Variants in GPHN observed in about 807,000 individuals in gnomAD.
The protein encoded by GPHN is gephyrin.
In GPHN, 17 loss-of-function variants were observed where a neutral mutation model predicts 95.5. The observed-to-expected ratio is 0.18, with a 90% CI of 0.12 to 0.27. The LOEUF (loss-of-function observed/expected upper bound fraction) is 0.27, where lower values mean the gene tolerates loss of function less well. GPHN is among the 10% of genes least tolerant of loss of function. The pLI is 1.00. For synonymous variants in GPHN, 320 were observed against 322.5 expected (o/e 0.99, Z 0.08); for missense variants, 660 against 978.1 (o/e 0.67, Z 4.34).
At chr14:67,316,185 T>C in the GPHN span, among the ~76,000 whole-genome samples, 9 of 152,172 alleles carry the variant, frequency 5.9e-5, no homozygotes, top group Admixed American at 5.2e-4. Context: ...ACATATTTGA[T>C]TTAAAGTAGA....
At chr14:66,810,360 A>T (rs1263242711) in intron 3 of GPHN, among the ~76,000 whole-genome samples, 2 of 124,364 alleles carry the variant, frequency 1.6e-5, no homozygotes, top group Admixed American at 7.9e-5. Context: ...CTGTTTCCAG[A>T]TTTTTTTTGT....
chr14:67,413,854 C>G, the GPHN span, among the ~76,000 whole-genome samples: 4 of 152,190 alleles, frequency 2.6e-5, no homozygotes, highest in East Asian at 7.7e-4. Flanking sequence ...TAGGTTTTAT[C>G]TAAAGTACAA....
intron 9 of GPHN, among the ~76,000 whole-genome samples, chr14:66,992,838 G>C (rs1367249709): frequency 6.6e-6 from 1 of 152,154 alleles, no homozygotes; most frequent in African/African-American, 2.4e-5. Context: ...TCAAATTTCA[G>C]TGTTTAAAAA....
intron 11 of GPHN, among the ~76,000 whole-genome samples, chr14:67,088,780 A>G (rs2077011556): frequency 6.6e-6 from 1 of 152,208 alleles, no homozygotes; most frequent in South Asian, 2.1e-4. Context: ...AAACATTGCC[A>G]TGAATTGACT....
the GPHN span, among the ~76,000 whole-genome samples, chr14:67,640,678 A>C: frequency 6.6e-6 from 1 of 152,330 alleles, no homozygotes; most frequent in South Asian, 2.1e-4. Flanking sequence ...GGACCCTAAG[A>C]ATATAATCTA....
the GPHN span, among the ~76,000 whole-genome samples, chr14:67,307,430 A>G: frequency 2.0e-5 from 3 of 152,222 alleles, no homozygotes; most frequent in Admixed American, 2.0e-4. Flanking sequence ...CTTATTAGTT[A>G]CAGAATATGT....
intron 11 of GPHN, among the ~76,000 whole-genome samples, chr14:67,072,348 A>G (rs1458038820): frequency 6.6e-6 from 1 of 152,140 alleles, no homozygotes; most frequent in African/African-American, 2.4e-5. Flanking sequence ...ATTAAAAGAG[A>G]AAACCTTAGG....
In GPHN at chr14:67,169,016, C is replaced by T; in HGVS notation, c.2059C>T (p.Pro687Ser). The T allele has an allele frequency of 1.2e-6, 2 of 1,611,478 alleles. No individual in the cohort carries two copies. Among genetic ancestry groups the T allele is most frequent in the Non-Finnish European group, 1.7e-6 (2 of 1,177,708 alleles). Residue 687 changes from proline (P) to serine (S), a missense_variant, in exon 21 of 23, where the codon CCA becomes TCA. Around this residue, in one of 6 missense-constraint regions of GPHN, gnomAD observed 48 missense variants for 137.4 expected, o/e 0.35. Coordinates refer to ENST00000478722, the MANE Select transcript of GPHN (RefSeq NM_020806.5). ...AATGCAGGGCATCTTGGATCCTCGGCCAACCATCATCAAAGCAAGGGTAAT... is the reference window on the plus strand; with the variant it reads ...AATGCAGGGCATCTTGGATCCTCGGTCAACCATCATCAAAGCAAGGGTAAT... ...RKMQGILDPR[P>S]TIIKARLSCD... is the part of the protein sequence containing the mutation.
At chr14:67,003,467 C>G (rs1457454299) in intron 9 of GPHN, among the ~76,000 whole-genome samples, 1 of 151,610 alleles carries the variant, frequency 6.6e-6, no homozygotes, top group Non-Finnish European at 1.5e-5. Context: ...AGAATCCAGC[C>G]TACTTCAAGG....
At chr14:67,515,153 T>C in the GPHN span, 64,129 of 152,174 alleles carry the variant, frequency 0.42, 14,044 homozygotes, top group East Asian at 0.5. Flanking sequence ...CAGGTGCGGC[T>C]AGGAGCGCCG....
intron 5 of GPHN, among the ~76,000 whole-genome samples, chr14:66,904,122 C>T (rs752165793): frequency 3.3e-5 from 5 of 152,116 alleles, no homozygotes; most frequent in South Asian, 2.1e-4. Context: ...TTCGTGGTCT[C>T]GCTGACTTCA....
At chr14:67,606,075 A>T in the GPHN span, among the ~76,000 whole-genome samples, 1 of 152,054 alleles carries the variant, frequency 6.6e-6, no homozygotes. Flanking sequence ...AAAAATACTT[A>T]TTTTTCCCCG....
the GPHN span, among the ~76,000 whole-genome samples, chr14:67,355,053 C>A: frequency 1.3e-5 from 2 of 152,082 alleles, no homozygotes; most frequent in African/African-American, 4.8e-5. Context: ...CTCAGGTGAT[C>A]CGCCCACCTC....
chr14:66,574,456 G>A (rs1283479789), intron 1 of GPHN, among the ~76,000 whole-genome samples: 1 of 152,136 alleles, frequency 6.6e-6, no homozygotes, highest in Non-Finnish European at 1.5e-5. Context: ...GTATTAGAGT[G>A]TTCTCTATTT....
chr14:67,330,480 T>C, the GPHN span, among the ~76,000 whole-genome samples: 21,949 of 145,188 alleles, frequency 0.15, 3,222 homozygotes, highest in East Asian at 0.42. Context: ...TTTTTTGAGA[T>C]GGGGTTTCGC....
chr14:66,815,742 C>A (rs1275898809), intron 3 of GPHN, among the ~76,000 whole-genome samples: 1 of 152,090 alleles, frequency 6.6e-6, no homozygotes, highest in East Asian at 1.9e-4. Flanking sequence ...CACTAGAAAG[C>A]AACCACATAT....
the GPHN span, among the ~76,000 whole-genome samples, chr14:67,497,250 G>A: frequency 2.0e-5 from 3 of 152,220 alleles, no homozygotes; most frequent in South Asian, 4.1e-4. Flanking sequence ...GTGAGCATCC[G>A]TCCCGAGGTT....
At chr14:67,585,418 C>A in the GPHN span, 1 of 631,752 alleles carries the variant, frequency 1.6e-6, no homozygotes, top group South Asian at 1.9e-5. Flanking sequence ...CCTGCATACA[C>A]TGTACAAATA....
chr14:67,464,145 G>A, the GPHN span, among the ~76,000 whole-genome samples: 2 of 152,244 alleles, frequency 1.3e-5, no homozygotes, highest in African/African-American at 4.8e-5. Flanking sequence ...CTGGCCTGGT[G>A]CAATCTACCC....
Sources: gnomAD v4.1 joint callset for allele counts (sites outside exome capture counted in the v4.1 genomes callset) on GRCh38, gnomAD v4.1.1 for gene constraint, gnomAD v4.1.1 regional missense constraint, MANE v1.5 for transcripts, NCBI Gene and HGNC (gene_info 2026-07-23, HGNC 2026-07-21) for gene names.